Variants in RAD23B observed in about 807,000 individuals in gnomAD.
RAD23B encodes RAD23 nucleotide excision repair protein B.
In RAD23B, 5 loss-of-function variants were observed where a neutral mutation model predicts 49.1. The observed-to-expected ratio is 0.10, with a 90% CI of 0.05 to 0.21. The LOEUF (loss-of-function observed/expected upper bound fraction) is 0.21. Among genes scored for constraint, RAD23B ranks in the 10% least tolerant of loss-of-function variants. RAD23B has a pLI of 1.00. For missense variants in RAD23B, 356 were observed against 486.7 expected, an observed-to-expected ratio of 0.73 and a Z score of 2.53; for synonymous variants, 184 against 165.4, an observed-to-expected ratio of 1.11 and a Z score of -0.86.
chr9:107,324,657 G>C (rs1587864739), intron 8 of RAD23B, among the ~76,000 whole-genome samples, 177 bp from the exon 9 acceptor site: 1 of 151,968 alleles, frequency 6.6e-6, no homozygotes, highest in East Asian at 1.9e-4. Context: ...CAAAAGTACT[G>C]AATTTCTTTA....
At chr9:107,306,697 G>A (rs1316815153) in intron 4 of RAD23B, 50 bp downstream of exon 4, 1 of 1,544,456 alleles carries the variant, frequency 6.5e-7, no homozygotes, top group Non-Finnish European at 8.8e-7. Context: ...TGTTTAACAG[G>A]AACTTCATGC....
At position 107,330,030 on chromosome 9, in the gene RAD23B, G is replaced by A. The variant is rs1827279718; in HGVS notation, c.*374G>A. 1 of 154,246 alleles carries A rather than the reference G, an allele frequency of 6.5e-6. No individual in the cohort carries two copies. The highest frequency in any genetic ancestry group is 6.5e-5 in the Admixed American group (1 of 15,340). The allele number at this position is 154,246 out of a possible 1,614,324, so 9.6% of individuals were successfully genotyped here. ...TTTGACTTAACATTGGTTTCAGAAA[G>A]AATCTTAGCTACCTAGAATTTACAG... On this transcript the variant is annotated 3_prime_UTR_variant, in exon 10 of 10. Coordinates refer to ENST00000358015, the MANE Select transcript of RAD23B (RefSeq NM_002874.5). The surrounding 1 kb of genome is among the most constrained non-coding windows in gnomAD (Gnocchi z 4.4).
chr9:107,293,566 G>A (rs896433984), intron 1 of RAD23B, among the ~76,000 whole-genome samples: 1 of 152,064 alleles, frequency 6.6e-6, no homozygotes, highest in Non-Finnish European at 1.5e-5. Context: ...GAACAACATA[G>A]TTACAAAAGT....
intron 2 of RAD23B, among the ~76,000 whole-genome samples, chr9:107,301,544 G>A (rs1223064367): frequency 6.6e-6 from 1 of 151,926 alleles, no homozygotes; most frequent in Non-Finnish European, 1.5e-5. Context: ...ATGCTTTTTA[G>A]TTTTATTTGT....
intron 1 of RAD23B, among the ~76,000 whole-genome samples, chr9:107,293,945 C>T (rs952918116): frequency 7.2e-5 from 11 of 152,126 alleles, no homozygotes; most frequent in Admixed American, 1.3e-4. Context: ...CCACAGCACC[C>T]GTCTAATTAA....
At chr9:107,302,354 AAAAT>A (rs1256089187) in intron 3 of RAD23B, among the ~76,000 whole-genome samples, 1 of 152,114 alleles carries the variant, frequency 6.6e-6, no homozygotes, top group Non-Finnish European at 1.5e-5. Context: ...AAACAATTGA[AAAAT>A]AAAATGTCAT....
chr9:107,319,882 G>C (rs4978849), intron 6 of RAD23B, among the ~76,000 whole-genome samples: 113,860 of 152,178 alleles, frequency 0.75, 43,554 homozygotes, highest in African/African-American at 0.92. Context: ...ATTGAATTAA[G>C]TTTTTTAAAA....
rs11573612 is a variant in RAD23B, at chr9:107,283,711, G to GGGGGCA, written c.66+24_66+29dup. On this transcript the variant is annotated intron_variant, in intron 1 of 9. Coordinates refer to ENST00000358015, the MANE Select transcript of RAD23B (RefSeq NM_002874.5). Reference sequence around the variant, plus strand: ...CGAGGAGACGGTATGCGCGCGGGCCGGGGGCAGGGGCAGCCGCGTGCGGGC... The same window carrying GGGGGCA: ...CGAGGAGACGGTATGCGCGCGGGCCGGGGGCAGGGGCAGGGGCAGCCGCGTGCGGGC... 116,525 of 1,447,978 alleles carry GGGGGCA rather than the reference G, an allele frequency of 0.08. 5,486 individuals carry two copies. The highest frequency in any genetic ancestry group is 0.12 in the South Asian group (9,097 of 74,452). The allele number at this position is 1,447,978 out of a possible 1,614,324, so 89.7% of individuals were successfully genotyped here. A position where few individuals can be genotyped will look rare whatever the true frequency, so the allele number is the denominator to read the frequency against.
intron 9 of RAD23B, among the ~76,000 whole-genome samples, chr9:107,328,329 A>G (rs1286045087): frequency 1.3e-5 from 2 of 151,932 alleles, no homozygotes; most frequent in East Asian, 3.9e-4. Context: ...CTTTTTTTCT[A>G]CCAACATAGG....
intron 1 of RAD23B, among the ~76,000 whole-genome samples, chr9:107,296,856 GCT>G: frequency 8.8e-6 from 1 of 113,246 alleles, no homozygotes; most frequent in African/African-American, 3.8e-5. Context: ...TTTTTTAATT[GCT>G]TTTTTTTTTT....
rs1827319829 is a variant in RAD23B at position 107,332,053 on chromosome 9, A to G, written c.*2397A>G. 3 of 314,422 alleles carry G rather than the reference A, an allele frequency of 9.5e-6. No homozygotes were observed. The highest frequency in any genetic ancestry group is 5.1e-5 in the East Asian group (1 of 19,512). The allele number at this position is 314,422 out of a possible 1,614,324, so 19.5% of individuals were successfully genotyped here. A position where few individuals can be genotyped will look rare whatever the true frequency, so the allele number is the denominator to read the frequency against. On this transcript the variant is annotated 3_prime_UTR_variant, in exon 10 of 10. Transcript: ENST00000358015. ...GAAATGTGAGGAAGCCTAAGTTTGT[A>G]TTTGTAAATTTCTTATGCCATCCTC...
intron 1 of RAD23B, chr9:107,284,761 T>C: frequency 9.1e-7 from 1 of 1,098,972 alleles, no homozygotes. Flanking sequence ...GATTCTATTT[T>C]GGGTGGAGAT....
intron 5 of RAD23B, among the ~76,000 whole-genome samples, chr9:107,316,586 A>G (rs747757939): frequency 4.6e-5 from 7 of 152,188 alleles, no homozygotes; most frequent in Non-Finnish European, 8.8e-5. Context: ...TTATTGTTTT[A>G]TGGGATGGGA....
chr9:107,295,087 G>A (rs11573642), intron 1 of RAD23B, among the ~76,000 whole-genome samples: 7 of 150,618 alleles, frequency 4.6e-5, no homozygotes, highest in African/African-American at 1.7e-4. Context: ...AGCGGTGGGT[G>A]GGGGGGGACT....
chr9:107,298,474 A>ATTTTT (rs35923233), intron 1 of RAD23B, among the ~76,000 whole-genome samples: 23 of 53,118 alleles, frequency 4.3e-4, no homozygotes, highest in African/African-American at 1.5e-3. Flanking sequence ...TGCTTGGCTA[A>ATTTTT]TTTTTTTTTT....
chr9:107,326,259 C>T (rs1258703192), intron 9 of RAD23B, among the ~76,000 whole-genome samples: 1 of 151,922 alleles, frequency 6.6e-6, no homozygotes, highest in Admixed American at 6.6e-5. Flanking sequence ...CTCCTGTTGT[C>T]TGGAAGTATT....
At position 107,306,486 on chromosome 9, in the gene RAD23B, C is replaced by G. The variant is rs1805333; in HGVS notation, c.336C>G (p.Thr112=). 6.2e-7 allele frequency: 1 copy of G among 1,614,138 alleles called. No homozygotes were observed. Among genetic ancestry groups the G allele is most frequent in the African/African-American group, 1.3e-5 (1 of 74,998 alleles). The change falls in exon 4 of 10, where the codon ACC becomes ACG. Residue 112 remains threonine (T), a synonymous_variant. Coordinates refer to ENST00000358015, the MANE Select transcript of RAD23B (RefSeq NM_002874.5). ...CCACAACTGTGGCTCAGGCTCCAAC[C>G]CCTGTCCCTGCCTTGGCCCCCACTT... The part of the protein sequence containing the change: ...STTTTVAQAP[T]PVPALAPTST...
At chr9:107,291,398 T>A (rs899691837) in intron 1 of RAD23B, among the ~76,000 whole-genome samples, 6 of 152,204 alleles carry the variant, frequency 3.9e-5, no homozygotes, top group African/African-American at 1.4e-4. Flanking sequence ...GTGGGACAAA[T>A]GGGTTTTGGA....
intron 5 of RAD23B, among the ~76,000 whole-genome samples, chr9:107,315,475 C>T (rs779471788): frequency 1.3e-5 from 2 of 152,092 alleles, no homozygotes; most frequent in Non-Finnish European, 2.9e-5. Flanking sequence ...CCTCATTACT[C>T]TGTTTCTTGG....
Sources: gnomAD v4.1 joint callset for allele counts (sites outside exome capture counted in the v4.1 genomes callset) on GRCh38, gnomAD v4.1.1 for gene constraint, Gnocchi (gnomAD v3.1) non-coding constraint, MANE v1.5 for transcripts, NCBI Gene and HGNC (gene_info 2026-07-23, HGNC 2026-07-21) for gene names.